Variants in USP24 observed in about 807,000 individuals in gnomAD.
The protein encoded by USP24 is ubiquitin carboxyl-terminal hydrolase 24.
In USP24, 97 loss-of-function variants were observed where a neutral mutation model predicts 361.6. That is an observed-to-expected ratio of 0.27 (90% CI 0.23 to 0.32). USP24 has a LOEUF of 0.32. Ranked by LOEUF, USP24 falls within the 10% of genes least tolerant of loss-of-function variation. USP24 has a pLI of 1.00. For missense variants in USP24, 2,353 were observed against 3,165.6 expected, an observed-to-expected ratio of 0.74 and a Z score of 6.16; for synonymous variants, 1,098 against 1,124.6, an observed-to-expected ratio of 0.98 and a Z score of 0.47.
At chr1:55,175,580 T>C (rs1309401182) in intron 3 of USP24, among the ~76,000 whole-genome samples, 3 of 152,166 alleles carry the variant, frequency 2.0e-5, no homozygotes, top group African/African-American at 7.2e-5. Context: ...TCTAGTGACT[T>C]ATTTACATAT....
intron 22 of USP24, 85 bp from the exon 23 acceptor site, chr1:55,142,880 C>G: frequency 7.0e-7 from 1 of 1,423,666 alleles, no homozygotes; most frequent in South Asian, 1.3e-5. Context: ...ATAAAGAAGC[C>G]AATTTTTGGT....
intron 39 of USP24, among the ~76,000 whole-genome samples, chr1:55,108,369 A>G (rs1645851189): frequency 6.6e-6 from 1 of 152,184 alleles, no homozygotes; most frequent in African/African-American, 2.4e-5. Context: ...CCACTGCACT[A>G]TAGTGAGAAG....
At chr1:55,182,730 T>A (rs538632396) in intron 1 of USP24, among the ~76,000 whole-genome samples, 1 of 152,250 alleles carries the variant, frequency 6.6e-6, no homozygotes, top group East Asian at 1.9e-4. Flanking sequence ...TTTTATTTTT[T>A]TTGAGACAGA....
At chr1:55,202,922 ATAAAC>A (rs1644614403) in intron 1 of USP24, among the ~76,000 whole-genome samples, 1 of 152,242 alleles carries the variant, frequency 6.6e-6, no homozygotes, top group Non-Finnish European at 1.5e-5. Context: ...ATAAAGCAAG[ATAAAC>A]TATAGAATCA....
At chr1:55,085,633 T>C (rs1645234269) in intron 56 of USP24, among the ~76,000 whole-genome samples, 1 of 152,132 alleles carries the variant, frequency 6.6e-6, no homozygotes. Flanking sequence ...TAGACACAGA[T>C]TAGTCTCAGT....
intron 5 of USP24, 37 bp from the exon 6 acceptor site, chr1:55,166,640 T>C (rs780146032): frequency 6.5e-7 from 1 of 1,549,742 alleles, no homozygotes; most frequent in South Asian, 1.2e-5. Flanking sequence ...GATGGCAATA[T>C]AAAAGCTTCC....
chr1:55,083,932 A>G (rs1176352761), intron 56 of USP24, 44 bp from the exon 57 acceptor site: 2 of 1,416,854 alleles, frequency 1.4e-6, no homozygotes, highest in South Asian at 1.3e-5. Context: ...AAAGAACGTA[A>G]GACAGACATT....
chr1:55,095,212 A>G (rs560520421), intron 51 of USP24, 43 bp downstream of exon 51: 1 of 1,602,732 alleles, frequency 6.2e-7, no homozygotes, highest in South Asian at 1.1e-5. Context: ...CCACATCATC[A>G]CCATAGAAAT....
intron 7 of USP24, 85 bp from the exon 8 acceptor site, chr1:55,162,349 G>C (rs1648378248): frequency 1.6e-6 from 2 of 1,257,444 alleles, no homozygotes; most frequent in South Asian, 1.7e-5. Flanking sequence ...TCATGTATCA[G>C]AGAAAAGTTT....
chr1:55,116,326 A>T, intron 38 of USP24, among the ~76,000 whole-genome samples: 1 of 151,786 alleles, frequency 6.6e-6, no homozygotes, highest in East Asian at 1.9e-4. Context: ...AAATAAAATA[A>T]AGAATGGCAA....
chr1:55,128,390 C>T (rs114895289), intron 32 of USP24, among the ~76,000 whole-genome samples: 2 of 152,112 alleles, frequency 1.3e-5, no homozygotes, highest in Non-Finnish European at 2.9e-5. Context: ...AGACAACACT[C>T]GTATTCCCCA....
chr1:55,184,219 G>C (rs1316960753), intron 1 of USP24, among the ~76,000 whole-genome samples: 1 of 152,054 alleles, frequency 6.6e-6, no homozygotes, highest in Non-Finnish European at 1.5e-5. Flanking sequence ...ACCACGTCTG[G>C]CTAATTTTTG....
chr1:55,091,888 G>T, intron 54 of USP24, 135 bp downstream of exon 54: 1 of 637,696 alleles, frequency 1.6e-6, no homozygotes, highest in Admixed American at 3.2e-5. Context: ...GTTTCTTAAA[G>T]CTAGAGACCA....
At chr1:55,172,251 G>C in intron 4 of USP24, 126 bp downstream of exon 4, 1 of 926,988 alleles carries the variant, frequency 1.1e-6, no homozygotes, top group Non-Finnish European at 1.5e-6. Context: ...TAAAGACAAA[G>C]GATCCTAACA....
chr1:55,139,311 A>G (rs1023006548), intron 24 of USP24, among the ~76,000 whole-genome samples: 3 of 152,218 alleles, frequency 2.0e-5, no homozygotes, highest in Admixed American at 6.5e-5. Flanking sequence ...TTCTAGGCCT[A>G]TCTGTCCATT....
chr1:55,085,968 C>G lies in USP24; in HGVS notation c.6739G>C (p.Asp2247His). 1.2e-6 allele frequency: 2 copies of G among 1,613,922 alleles called. No homozygotes were observed. Among genetic ancestry groups the G allele is most frequent in the Non-Finnish European group, 1.7e-6 (2 of 1,179,830 alleles). The change falls in exon 56 of 68, where the codon GAC (aspartate) becomes CAC (histidine). Residue 2247 changes from aspartate to histidine, a missense_variant. Around this residue, in one of 8 missense-constraint regions of USP24, gnomAD observed 598 missense variants for 761.9 expected, o/e 0.78. Transcript: ENST00000294383. ...TTATCCTGATAAAACAAGGCACTGT[C>G]TAGGGTTTTCTCCAGAATGGTGGCC... is the stretch of plus-strand genomic sequence containing the variant. ...AVATILEKTL[D>H]SALFYQDKLK...
At chr1:55,172,150 T>C (rs547858986) in intron 4 of USP24, among the ~76,000 whole-genome samples, 1 of 152,190 alleles carries the variant, frequency 6.6e-6, no homozygotes. Context: ...GAGAAAGGCA[T>C]TTAATCATTC....
chr1:55,097,473 T>C, intron 48 of USP24, 125 bp downstream of exon 48: 3 of 1,370,380 alleles, frequency 2.2e-6, no homozygotes, highest in Non-Finnish European at 1.9e-6. Context: ...GATAAGGGGC[T>C]CTTCATAATG....
chr1:55,129,781 G>A (rs546998489), intron 31 of USP24, among the ~76,000 whole-genome samples: 18 of 152,162 alleles, frequency 1.2e-4, no homozygotes, highest in Admixed American at 2.0e-4. Flanking sequence ...AAATCTTTCC[G>A]TTCTAGAGAA....
Sources: allele counts gnomAD v4.1 joint callset (sites outside exome capture counted in the v4.1 genomes callset), GRCh38; gene constraint gnomAD v4.1.1; regional missense constraint gnomAD v4.1.1; transcripts MANE v1.5; gene names NCBI Gene and HGNC (gene_info 2026-07-23, HGNC 2026-07-21).